Variants in AVEN observed in about 807,000 individuals in gnomAD.
The protein encoded by AVEN is apoptosis and caspase activation inhibitor, also known as cell death regulator Aven.
AVEN carries 41 observed loss-of-function variants against 38.1 expected under a neutral mutation model. The observed-to-expected ratio is 1.08, with a 90% confidence interval of 0.84 to 1.40. The LOEUF is 1.40. Ranked by LOEUF, AVEN falls within the 40% of genes most tolerant of loss-of-function variation. AVEN has a pLI of 0.00. For synonymous variants in AVEN, 206 were observed against 171.8 expected, an observed-to-expected ratio of 1.20 and a Z score of -1.56; for missense variants, 605 against 438.8, an observed-to-expected ratio of 1.38 and a Z score of -3.38.
chr15:33,959,372 C>A (rs1895083066), intron 2 of AVEN, among the ~76,000 whole-genome samples: 1 of 152,164 alleles, frequency 6.6e-6, no homozygotes, highest in South Asian at 2.1e-4. Context: ...TATGACCTTT[C>A]AATAGGTCCC....
chr15:33,879,999 GT>G (rs1891417201), intron 2 of AVEN, among the ~76,000 whole-genome samples: 1 of 152,106 alleles, frequency 6.6e-6, no homozygotes, highest in Non-Finnish European at 1.5e-5. Context: ...TGTAATAATG[GT>G]TTTGTACTAT....
At chr15:33,919,906 CCT>C (rs1893325743) in intron 2 of AVEN, among the ~76,000 whole-genome samples, 1 of 152,140 alleles carries the variant, frequency 6.6e-6, no homozygotes. Flanking sequence ...TACACACAAG[CCT>C]CTGTTTCCTA....
intron 4 of AVEN, among the ~76,000 whole-genome samples, chr15:33,869,524 C>A (rs1209037316): frequency 2.0e-5 from 3 of 152,140 alleles, no homozygotes; most frequent in African/African-American, 7.2e-5. Flanking sequence ...CACTGGACAT[C>A]AGCAGAAGAG....
intron 2 of AVEN, among the ~76,000 whole-genome samples, chr15:33,999,111 G>A (rs955714612): frequency 6.6e-6 from 1 of 152,186 alleles, no homozygotes. Context: ...GACCAATATG[G>A]ATTACAACTT....
chr15:33,962,862 G>A (rs78005983), intron 2 of AVEN, among the ~76,000 whole-genome samples: 1 of 143,164 alleles, frequency 7.0e-6, no homozygotes, highest in East Asian at 2.0e-4. Flanking sequence ...GGAGCTTGCA[G>A]TGAGCCGAGA....
At position 33,868,218 on chromosome 15, in the gene AVEN, A is replaced by G. The variant is rs144447817; in HGVS notation, c.613-363T>C. Among the ~76,000 whole-genome samples, 417 of 152,270 alleles carry G rather than the reference A, an allele frequency of 2.7e-3. 6 individuals are homozygous for G. The highest frequency in any genetic ancestry group is 9.4e-3 in the African/African-American group (390 of 41,538). On this transcript the variant is annotated intron_variant, in intron 4 of 5. Transcript: ENST00000306730. ...CTTAAATCTGTATTAAGACATGAACATCTATAAAAAGTCACCAAGAAGTGG... is the reference window on the plus strand; with the variant it reads ...CTTAAATCTGTATTAAGACATGAACGTCTATAAAAAGTCACCAAGAAGTGG...
chr15:33,876,174 A>T (rs1891223128), intron 2 of AVEN, among the ~76,000 whole-genome samples, 179 bp from the exon 3 acceptor site: 1 of 151,370 alleles, frequency 6.6e-6, no homozygotes, highest in African/African-American at 2.5e-5. Context: ...CACACAGATG[A>T]CAATGTTAAC....
downstream of AVEN, chr15:33,857,965 G>C (rs202238824): frequency 6.2e-7 from 1 of 1,604,778 alleles, no homozygotes; most frequent in African/African-American, 1.3e-5. Context: ...GGGCCACCCC[G>C]CCCCACCACC....
intron 2 of AVEN, among the ~76,000 whole-genome samples, chr15:33,992,338 C>T (rs934422703): frequency 6.6e-6 from 1 of 151,350 alleles, no homozygotes; most frequent in African/African-American, 2.4e-5. Flanking sequence ...TGCAGTGAGC[C>T]GAGATTGCGC....
downstream of AVEN, chr15:33,857,835 C>G: frequency 6.2e-7 from 1 of 1,614,174 alleles, no homozygotes; most frequent in Non-Finnish European, 8.5e-7. Context: ...ACTGTGGTGG[C>G]TTTCAACTTC....
rs144261230 is a variant in AVEN at position 33,950,307 on chromosome 15, T to C, written c.445+52725A>G. On this transcript the variant is annotated intron_variant, in intron 2 of 5. Transcript: ENST00000306730. ...ACAGCATAGTGACTATAATTAATAT[T>C]ACTCTCTTACAATTTTCTAAGAGTT... Among the ~76,000 whole-genome samples, 688 of 152,338 alleles carry C rather than the reference T, an allele frequency of 4.5e-3. 6 individuals are homozygous for C. Among genetic ancestry groups the C allele is most frequent in the African/African-American group, 0.016 (663 of 41,576 alleles).
chr15:34,047,241 C>G (rs1054873009), intron 5 of AVEN, among the ~76,000 whole-genome samples: 6 of 152,058 alleles, frequency 3.9e-5, no homozygotes, highest in African/African-American at 1.4e-4. Flanking sequence ...CCATGCCCTG[C>G]TAACTTTTTG....
intron 2 of AVEN, among the ~76,000 whole-genome samples, chr15:33,966,367 T>C (rs1895383439): frequency 6.6e-6 from 1 of 152,204 alleles, no homozygotes; most frequent in Admixed American, 6.5e-5. Flanking sequence ...GATTGGCACA[T>C]ATAGTCCTTA....
chr15:33,876,967 A>C (rs1324984507), intron 2 of AVEN, among the ~76,000 whole-genome samples: 1 of 152,224 alleles, frequency 6.6e-6, no homozygotes, highest in African/African-American at 2.4e-5. Context: ...AAAAAAACAG[A>C]ACTAAAACTG....
chr15:33,853,158 C>T, the AVEN span: 5 of 1,257,614 alleles, frequency 4.0e-6, no homozygotes, highest in South Asian at 4.6e-5. Flanking sequence ...AAGTTCTCCA[C>T]ATACAAACAT....
chr15:33,953,199 T>C (rs1031784886), intron 2 of AVEN, among the ~76,000 whole-genome samples: 8 of 151,850 alleles, frequency 5.3e-5, no homozygotes, highest in Non-Finnish European at 1.0e-4. Flanking sequence ...ATCATGAAAA[T>C]GACCATACTG....
chr15:33,938,358 G>C (rs1444798691), intron 2 of AVEN, among the ~76,000 whole-genome samples: 1 of 152,126 alleles, frequency 6.6e-6, no homozygotes. Flanking sequence ...GGGAGGCTGA[G>C]GCAGGAGAAT....
intron 1 of AVEN, among the ~76,000 whole-genome samples, chr15:34,023,226 C>T (rs190438192): frequency 2.5e-3 from 373 of 152,228 alleles, no homozygotes; most frequent in African/African-American, 8.4e-3. Flanking sequence ...CCCCTCTCAT[C>T]CCCCACTCAG....
At chr15:34,054,828 T>C (rs1900067738) in intron 5 of AVEN, among the ~76,000 whole-genome samples, 1 of 152,290 alleles carries the variant, frequency 6.6e-6, no homozygotes, top group East Asian at 1.9e-4. Flanking sequence ...TGCACATGTA[T>C]CCCTGAACTT....
Sources: allele counts gnomAD v4.1 joint callset (sites outside exome capture counted in the v4.1 genomes callset), GRCh38; gene constraint gnomAD v4.1.1; transcripts MANE v1.5; gene names NCBI Gene and HGNC (gene_info 2026-07-23, HGNC 2026-07-21).